The following SNX2 variants were observed in gnomAD, a reference collection of about 807,000 sequenced individuals.
The protein encoded by SNX2 is sorting nexin-2.
Under a neutral mutation model 69.9 loss-of-function variants are expected in SNX2, and 25 were observed. The observed-to-expected ratio is 0.36, with a 90% confidence interval of 0.26 to 0.50. SNX2 has a LOEUF of 0.50. Among genes scored for constraint, SNX2 ranks in the 20% least tolerant of loss-of-function variants. The pLI is 0.97. For synonymous variants in SNX2, 229 were observed against 200.4 expected (o/e 1.14, Z -1.20); for missense variants, 551 against 613.3 (o/e 0.90, Z 1.07).
chr5:122,775,660 G>A (rs1210931356), intron 1 of SNX2: 1 of 987,102 alleles, frequency 1.0e-6, no homozygotes, highest in African/African-American at 1.7e-5. Context: ...CTGAGGGGCC[G>A]AGGGTCTGTG....
chr5:122,775,655 G>A, intron 1 of SNX2: 1 of 987,328 alleles, frequency 1.0e-6, no homozygotes, highest in Non-Finnish European at 1.2e-6. Context: ...GAGCGCTGAG[G>A]GGCCGAGGGT....
chr5:122,794,841 C>A (rs952945396), intron 1 of SNX2, among the ~76,000 whole-genome samples: 3 of 151,924 alleles, frequency 2.0e-5, no homozygotes, highest in East Asian at 3.9e-4. Context: ...CATGGTGAAA[C>A]CCCATCTCTA....
chr5:122,775,602 T>C, intron 1 of SNX2: 1 of 990,438 alleles, frequency 1.0e-6, no homozygotes, highest in Non-Finnish European at 1.2e-6. Flanking sequence ...GCTTTTCCTT[T>C]CCAGAGGGAG....
chr5:122,808,215 G>A, intron 6 of SNX2, 62 bp from the exon 7 acceptor site: 1 of 1,036,076 alleles, frequency 9.7e-7, no homozygotes, highest in South Asian at 1.6e-5. Context: ...ATGAAGAAAT[G>A]ATTATGAAAG....
At position 122,809,911 on chromosome 5, in the gene SNX2, AGAAGTTTAGGTTAG is replaced by A. The variant is rs566309198; in HGVS notation, c.722+1558_722+1571del. ...GAAAAAGGATTTAAATTGCATCAAG[AGAAGTTTAGGTTAG>A]GCATTTGAATTGATTTTATTGTAGG... On this transcript the variant is annotated intron_variant, in intron 7 of 14. Coordinates refer to ENST00000379516, the MANE Select transcript of SNX2 (RefSeq NM_003100.4). Among the ~76,000 whole-genome samples the A allele has an allele frequency of 1.0e-3, 157 of 152,318 alleles. 1 individual carries two copies. Among genetic ancestry groups the A allele is most frequent in the African/African-American group, 3.5e-3 (144 of 41,580 alleles).
upstream of SNX2, chr5:122,775,014 G>T: frequency 7.9e-7 from 1 of 1,267,964 alleles, no homozygotes; most frequent in Non-Finnish European, 1.0e-6. Context: ...CGGGGGCGGG[G>T]AGGCTGGCGG....
rs562415043 is a variant in SNX2, at chr5:122,822,502, G to A, written c.1212+3479G>A. Among the ~76,000 whole-genome samples, 12 of 152,280 alleles carry A rather than the reference G, an allele frequency of 7.9e-5. No individual in the cohort carries two copies. In the East Asian group the frequency reaches 1.3e-3, roughly 17 times the overall value. ...ACCTTTGGTTTTATCCATATCGAGC[G>A]TACTTTTCTGATGATAGTTCTTCAA... On this transcript the variant is annotated intron_variant, in intron 11 of 14. Coordinates refer to ENST00000379516, the MANE Select transcript of SNX2 (RefSeq NM_003100.4).
Position 122,782,587 on chromosome 5 carries a change from G to C in SNX2, c.108+7376G>C, listed in dbSNP as rs190825481. 3.5e-4 allele frequency among the ~76,000 whole-genome samples: 52 copies of C among 150,368 alleles called. No homozygotes were observed. In the East Asian group the frequency reaches 6.5e-3, roughly 19 times the overall value. The stretch of plus-strand genomic sequence containing the variant: ...GTCTCACTCTGCTGCCCAGGCTAGA[G>C]AGCAGTTGGCACAATCTCTGCTCAC... On this transcript the variant is annotated intron_variant, in intron 1 of 14. Transcript: ENST00000379516.
chr5:122,781,772 A>G (rs938596338), intron 1 of SNX2, among the ~76,000 whole-genome samples: 4 of 152,152 alleles, frequency 2.6e-5, no homozygotes, highest in Non-Finnish European at 5.9e-5. Context: ...TAGTTAATAA[A>G]CAGCCATTAT....
intron 14 of SNX2, 24 bp from the exon 15 acceptor site, chr5:122,829,574 T>C (rs368356587): frequency 6.3e-7 from 1 of 1,590,074 alleles, no homozygotes; most frequent in Non-Finnish European, 8.6e-7. Flanking sequence ...TGAGAATAAC[T>C]TATATTTTAA....
intron 4 of SNX2, 69 bp from the exon 5 acceptor site, chr5:122,802,012 A>ATC: frequency 1.3e-6 from 2 of 1,522,052 alleles, no homozygotes; most frequent in Non-Finnish European, 1.8e-6. Flanking sequence ...TTCATACATC[A>ATC]ATATAGTATT....
chr5:122,817,711 G>T (rs935200203), intron 10 of SNX2, among the ~76,000 whole-genome samples: 2 of 152,018 alleles, frequency 1.3e-5, no homozygotes, highest in African/African-American at 4.8e-5. Flanking sequence ...CAGTTAAATG[G>T]ATGAAGAGGT....
At chr5:122,777,410 TGATATA>T (rs1408191187) in intron 1 of SNX2, among the ~76,000 whole-genome samples, 2 of 152,268 alleles carry the variant, frequency 1.3e-5, no homozygotes, top group Non-Finnish European at 2.9e-5. Flanking sequence ...TACGTGATTC[TGATATA>T]GATCATCAGG....
At chr5:122,804,989 G>A (rs1008048512) in intron 6 of SNX2, among the ~76,000 whole-genome samples, 1 of 152,020 alleles carries the variant, frequency 6.6e-6, no homozygotes, top group African/African-American at 2.4e-5. Flanking sequence ...GCCCAGGCTG[G>A]AGTGCAGTGG....
intron 1 of SNX2, among the ~76,000 whole-genome samples, chr5:122,785,918 C>G (rs111812466): frequency 1.1e-4 from 17 of 152,264 alleles, no homozygotes; most frequent in Middle Eastern, 3.4e-3. Context: ...CTGTCTTTCC[C>G]TGTTACCTAT....
At position 122,829,761 on chromosome 5, in the gene SNX2, C is replaced by A; in HGVS notation, c.*113C>A. 1.1e-5 allele frequency: 8 copies of A among 746,068 alleles called. No individual in the cohort carries two copies. Among genetic ancestry groups the A allele is most frequent in the Non-Finnish European group, 1.8e-5 (8 of 434,802 alleles). 46.2% of individuals were successfully genotyped at this position (746,068 alleles called of 1,614,324 possible). A position where few individuals can be genotyped will look rare whatever the true frequency, so the allele number is the denominator to read the frequency against. ...AAACCACTATATATTTTATGAATTA[C>A]ATGTGGTTTTATATACACACACACA... is the stretch of plus-strand genomic sequence containing the variant. On this transcript the variant is annotated 3_prime_UTR_variant, in exon 15 of 15. Coordinates refer to ENST00000379516, the MANE Select transcript of SNX2 (RefSeq NM_003100.4).
chr5:122,789,132 C>T (rs1431620404), intron 1 of SNX2, among the ~76,000 whole-genome samples: 1 of 152,132 alleles, frequency 6.6e-6, no homozygotes, highest in Non-Finnish European at 1.5e-5. Flanking sequence ...TTCTGTTTTG[C>T]CTTCTGTGGG....
chr5:122,781,280 A>G (rs1752976097), intron 1 of SNX2, among the ~76,000 whole-genome samples: 1 of 152,174 alleles, frequency 6.6e-6, no homozygotes, highest in African/African-American at 2.4e-5. Flanking sequence ...AAACTTTTAG[A>G]GTTTGACTTT....
chr5:122,818,253 G>A (rs1471770105), intron 10 of SNX2, among the ~76,000 whole-genome samples: 2 of 152,028 alleles, frequency 1.3e-5, no homozygotes, highest in South Asian at 4.1e-4. Context: ...TGAAATATCT[G>A]AAATGATCAC....
Sources: gnomAD v4.1 joint callset for allele counts (sites outside exome capture counted in the v4.1 genomes callset) on GRCh38, gnomAD v4.1.1 for gene constraint, MANE v1.5 for transcripts, NCBI Gene and HGNC (gene_info 2026-07-23, HGNC 2026-07-21) for gene names.